The following SLC25A48 variants were observed in gnomAD, a reference collection of about 807,000 sequenced individuals.
SLC25A48 encodes solute carrier family 25 member 48.
Under a neutral mutation model 32.2 loss-of-function variants are expected in SLC25A48, and 29 were observed. The ratio of observed to expected loss-of-function variants is 0.90; its 90% confidence interval spans 0.67 to 1.23. The LOEUF (loss-of-function observed/expected upper bound fraction) is 1.23, where lower values mean the gene tolerates loss of function less well. Ranked by LOEUF, SLC25A48 falls within the 50% of genes most tolerant of loss-of-function variation. SLC25A48 has a pLI of 0.00. For synonymous variants in SLC25A48, 164 were observed against 172.3 expected (o/e 0.95, Z 0.38); for missense variants, 399 against 422.7 (o/e 0.94, Z 0.49).
intron 3 of SLC25A48, among the ~76,000 whole-genome samples, chr5:135,686,268 T>G (rs11242260): frequency 0.81 from 123,010 of 152,124 alleles, 49,983 homozygotes; most frequent in Middle Eastern, 0.9. Context: ...AATTAAACAG[T>G]TATTTCTGTG....
intron 6 of SLC25A48, among the ~76,000 whole-genome samples, chr5:135,879,577 TC>T (rs1051153451): frequency 6.8e-6 from 1 of 146,664 alleles, no homozygotes; most frequent in Non-Finnish European, 1.5e-5. Context: ...GCTTCTAGAT[TC>T]CCGAGGAGAG....
chr5:135,651,800 A>T (rs1561775722), intron 3 of SLC25A48, among the ~76,000 whole-genome samples: 1 of 152,190 alleles, frequency 6.6e-6, no homozygotes, highest in African/African-American at 2.4e-5. Context: ...GAAAGATAGA[A>T]GTATGGATCT....
chr5:135,734,008 A>G (rs898414501), intron 3 of SLC25A48, among the ~76,000 whole-genome samples: 1 of 151,968 alleles, frequency 6.6e-6, no homozygotes, highest in African/African-American at 2.4e-5. Flanking sequence ...GGACAGGTAA[A>G]ATGGGGGAAT....
At chr5:135,646,130 C>T (rs900032443) in intron 3 of SLC25A48, among the ~76,000 whole-genome samples, 9 of 152,094 alleles carry the variant, frequency 5.9e-5, no homozygotes, top group Non-Finnish European at 4.4e-5. Flanking sequence ...CTGAGGATTA[C>T]GTTCCAAGGC....
At chr5:135,751,556 A>G (rs1243986278) in intron 3 of SLC25A48, among the ~76,000 whole-genome samples, 1 of 152,168 alleles carries the variant, frequency 6.6e-6, no homozygotes, top group Non-Finnish European at 1.5e-5. Flanking sequence ...CACACAGGTC[A>G]GGTGCAGTGG....
At chr5:135,699,735 A>G (rs1462913347) in intron 3 of SLC25A48, among the ~76,000 whole-genome samples, 1 of 152,236 alleles carries the variant, frequency 6.6e-6, no homozygotes, top group African/African-American at 2.4e-5. Flanking sequence ...TAGCACAGTG[A>G]TAGACTGCCT....
rs1005764776 is a variant in SLC25A48 at position 135,792,070 on chromosome 5, T to C, written c.-520-20453T>C. On this transcript the variant is annotated intron_variant, in intron 3 of 10. Transcript: ENST00000646290. ...TAACATTCGTAATATTCTAAGGGGA[T>C]ATTACTCCTAATGTCACAGTGGGTG... 2.0e-5 allele frequency among the ~76,000 whole-genome samples: 3 copies of C among 151,944 alleles called. No individual in the cohort carries two copies. In the East Asian group the frequency reaches 5.8e-4, roughly 29 times the overall value.
upstream of SLC25A48, chr5:135,834,653 G>T (rs1441120953): frequency 1.5e-5 from 9 of 594,708 alleles, no homozygotes; most frequent in Non-Finnish European, 2.1e-5. Context: ...GATGTCAGCC[G>T]CCCTCCGGCA....
At chr5:135,762,709 G>T (rs759437004) in intron 3 of SLC25A48, among the ~76,000 whole-genome samples, 2 of 152,090 alleles carry the variant, frequency 1.3e-5, no homozygotes, top group Non-Finnish European at 2.9e-5. Flanking sequence ...GAATGAGTGT[G>T]TGCGTGTGTA....
rs571767595 is a variant in SLC25A48 at position 135,604,959 on chromosome 5, T to C, written c.-848-24278T>C. On this transcript the variant is annotated intron_variant, in intron 1 of 10. Coordinates refer to the SLC25A48 transcript ENST00000646290. ...AGGCCTGTGGGGAGTTGTGTGCTTA[T>C]GAAGCACTTAAAACAGTTTCTGGTG... Among the ~76,000 whole-genome samples the C allele has an allele frequency of 1.9e-3, 294 of 152,338 alleles. 1 individual carries two copies. Among genetic ancestry groups the C allele is most frequent in the African/African-American group, 6.9e-3 (286 of 41,572 alleles).
intron 4 of SLC25A48, among the ~76,000 whole-genome samples, chr5:135,814,892 C>T (rs1473563726): frequency 2.6e-5 from 4 of 152,232 alleles, no homozygotes; most frequent in Non-Finnish European, 5.9e-5. Flanking sequence ...GCCATGGGGC[C>T]ATGGGAGGCC....
At chr5:135,708,916 C>A (rs1580803076) in intron 3 of SLC25A48, among the ~76,000 whole-genome samples, 1 of 152,160 alleles carries the variant, frequency 6.6e-6, no homozygotes, top group African/African-American at 2.4e-5. Flanking sequence ...GGCTCCCTTT[C>A]CTTGTAGAAT....
intron 3 of SLC25A48, among the ~76,000 whole-genome samples, chr5:135,681,704 TC>T (rs1487282593): frequency 1.3e-5 from 2 of 152,264 alleles, no homozygotes; most frequent in Non-Finnish European, 2.9e-5. Context: ...GCTCTGAGAT[TC>T]ATTTAAGCTA....
chr5:135,640,185 A>G (rs919465184), intron 3 of SLC25A48, among the ~76,000 whole-genome samples: 5 of 152,204 alleles, frequency 3.3e-5, no homozygotes, highest in African/African-American at 1.2e-4. Context: ...AGGGCCAGTG[A>G]ATTGGAAGAG....
intron 3 of SLC25A48, among the ~76,000 whole-genome samples, chr5:135,646,258 C>T (rs531995323): frequency 1.1e-4 from 12 of 113,488 alleles, no homozygotes; most frequent in South Asian, 2.9e-4. Flanking sequence ...GAGCCCTCTC[C>T]GGCCGGCTTG....
intron 3 of SLC25A48, among the ~76,000 whole-genome samples, chr5:135,723,380 T>TCTCACACACACACACACA (rs1356362581): frequency 1.1e-3 from 121 of 111,750 alleles, no homozygotes; most frequent in East Asian, 4.0e-3. Flanking sequence ...TCTCTCTCTC[T>TCTCACACACACACACACA]CACACACACA....
intron 3 of SLC25A48, among the ~76,000 whole-genome samples, chr5:135,721,856 A>G (rs777140367): frequency 1.6e-4 from 24 of 152,244 alleles, no homozygotes; most frequent in Non-Finnish European, 2.1e-4. Context: ...CCACAGCCCA[A>G]GAAGGATGGG....
chr5:135,874,318 G>A (rs1761884623), intron 6 of SLC25A48, among the ~76,000 whole-genome samples, 164 bp downstream of exon 6: 1 of 152,214 alleles, frequency 6.6e-6, no homozygotes, highest in South Asian at 2.1e-4. Flanking sequence ...ACTTCACCTG[G>A]GTGGTCTTTT....
At chr5:135,839,166 G>T (rs1333950686) in intron 1 of SLC25A48, among the ~76,000 whole-genome samples, 9 of 152,170 alleles carry the variant, frequency 5.9e-5, no homozygotes, top group African/African-American at 2.2e-4. Context: ...TTTGCAGTGG[G>T]GCATGCAGAT....
Sources: gnomAD v4.1 joint callset for allele counts (sites outside exome capture counted in the v4.1 genomes callset) on GRCh38, gnomAD v4.1.1 for gene constraint, MANE v1.5 for transcripts, NCBI Gene and HGNC (gene_info 2026-07-23, HGNC 2026-07-21) for gene names.